The following CMTM8 variants were observed in gnomAD, a reference collection of about 807,000 sequenced individuals.
The protein encoded by CMTM8 is CKLF-like MARVEL transmembrane domain-containing protein 8.
A neutral mutation model predicts 18.6 loss-of-function variants in CMTM8; 12 were observed. The observed-to-expected ratio is 0.65, with a 90% CI of 0.41 to 1.05. The LOEUF (loss-of-function observed/expected upper bound fraction) is 1.05, where lower values mean the gene tolerates loss of function less well. CMTM8 is among the 50% of genes least tolerant of loss of function. CMTM8 has a pLI of 0.00. For synonymous variants in CMTM8, 87 were observed against 90.6 expected (o/e 0.96, Z 0.23); for missense variants, 217 against 227.2 (o/e 0.95, Z 0.29).
chr3:32,355,672 A>T (rs1416422160), intron 1 of CMTM8, among the ~76,000 whole-genome samples: 1 of 151,190 alleles, frequency 6.6e-6, no homozygotes, highest in Non-Finnish European at 1.5e-5. Flanking sequence ...CTTGCTTAAA[A>T]CTCTCCCACT....
chr3:32,244,249 G>A (rs1448337452), intron 1 of CMTM8, among the ~76,000 whole-genome samples: 1 of 152,178 alleles, frequency 6.6e-6, no homozygotes, highest in African/African-American at 2.4e-5. Context: ...GAGTGCAGTG[G>A]CACAATCATA....
chr3:32,300,024 A>G (rs1288953152), intron 1 of CMTM8, among the ~76,000 whole-genome samples: 1 of 152,208 alleles, frequency 6.6e-6, no homozygotes, highest in Non-Finnish European at 1.5e-5. Flanking sequence ...CCTCTATAAC[A>G]AAAAGGTTAA....
At chr3:32,270,807 C>T (rs552874176) in intron 1 of CMTM8, among the ~76,000 whole-genome samples, 1 of 152,194 alleles carries the variant, frequency 6.6e-6, no homozygotes, top group African/African-American at 2.4e-5. Flanking sequence ...CAACATGGCA[C>T]ATGTATACAT....
chr3:32,317,226 G>A (rs1695950199), intron 1 of CMTM8, among the ~76,000 whole-genome samples: 1 of 152,006 alleles, frequency 6.6e-6, no homozygotes, highest in Non-Finnish European at 1.5e-5. Context: ...TACATGGAAA[G>A]GGCTCAGAGC....
intron 1 of CMTM8, among the ~76,000 whole-genome samples, chr3:32,311,266 T>G (rs1015958140): frequency 6.6e-6 from 1 of 152,242 alleles, no homozygotes; most frequent in African/African-American, 2.4e-5. Context: ...TATATGCAAT[T>G]CAAATTTCAG....
rs149172567 is a variant in CMTM8 at position 32,352,103 on chromosome 3, G to A, written c.148-5270G>A. ...TGCAGCATGAGAATCGCTTGAACCC[G>A]GGAGGCGGAGGTTGCAGTGAGCCAA... On this transcript the variant is annotated intron_variant, in intron 1 of 3. Transcript: ENST00000307526. Among the ~76,000 whole-genome samples, 866 of 149,002 alleles carry A rather than the reference G, an allele frequency of 5.8e-3. 6 individuals carry two copies. The highest frequency in any genetic ancestry group is 0.02 in the African/African-American group (818 of 40,444).
At chr3:32,243,919 G>T in intron 1 of CMTM8, 1 of 163,570 alleles carries the variant, frequency 6.1e-6, no homozygotes, top group South Asian at 1.9e-4. Flanking sequence ...TTTTCCTTTG[G>T]TATATTTTAA....
At chr3:32,279,897 A>C (rs930103840) in intron 1 of CMTM8, among the ~76,000 whole-genome samples, 1 of 148,366 alleles carries the variant, frequency 6.7e-6, no homozygotes, top group South Asian at 2.2e-4. Flanking sequence ...GATATCTCAT[A>C]GTGGTTTTGA....
intron 1 of CMTM8, among the ~76,000 whole-genome samples, chr3:32,266,161 T>A (rs1050162166): frequency 1.7e-4 from 26 of 152,168 alleles, no homozygotes; most frequent in Non-Finnish European, 3.5e-4. Context: ...AAAAAGAGAA[T>A]TTTAGACCAA....
chr3:32,340,076 C>T (rs1696464016), intron 1 of CMTM8, among the ~76,000 whole-genome samples: 1 of 152,206 alleles, frequency 6.6e-6, no homozygotes, highest in Non-Finnish European at 1.5e-5. Flanking sequence ...CTTATCTCAG[C>T]CAGCTGATTG....
rs1553605520 is a variant in CMTM8 at position 32,319,057 on chromosome 3, C to CATATATATATAT, written c.148-38309_148-38298dup. Among the ~76,000 whole-genome samples, 181 of 45,782 alleles carry CATATATATATAT rather than the reference C, an allele frequency of 4.0e-3. 4 individuals carry two copies. Among genetic ancestry groups the CATATATATATAT allele is most frequent in the East Asian group, 9.7e-3 (10 of 1,028 alleles). The allele number at this position is 45,782 out of a possible 152,430, so 30.0% of individuals were successfully genotyped here. A position where few individuals can be genotyped will look rare whatever the true frequency, so the allele number is the denominator to read the frequency against. On this transcript the variant is annotated intron_variant, in intron 1 of 3. Coordinates refer to ENST00000307526, the MANE Select transcript of CMTM8 (RefSeq NM_178868.5). ...AAATTTATATATATGTGTGTATATA[C>CATATATATATAT]ATATATATATATATATATTTTTTTT...
intron 1 of CMTM8, among the ~76,000 whole-genome samples, chr3:32,286,655 C>T (rs1288032289): frequency 1.3e-5 from 2 of 152,150 alleles, no homozygotes; most frequent in Admixed American, 1.3e-4. Flanking sequence ...AGGCAGCTTG[C>T]TGTAGAGCAG....
intron 1 of CMTM8, chr3:32,259,913 G>C (rs770454455): frequency 8.4e-6 from 9 of 1,073,368 alleles, no homozygotes; most frequent in Non-Finnish European, 1.3e-5. Context: ...CAGCCTGAGG[G>C]AGGTGGAGGC....
chr3:32,288,605 A>G (rs548821044), intron 1 of CMTM8, among the ~76,000 whole-genome samples: 269 of 151,600 alleles, frequency 1.8e-3, no homozygotes, highest in Non-Finnish European at 3.3e-3. Flanking sequence ...GGTTCAAACA[A>G]CTCCCCTGCC....
chr3:32,270,004 A>G lies in CMTM8; in HGVS notation c.147+30885A>G, dbSNP rs1180672754. Among the ~76,000 whole-genome samples, 3 of 150,378 alleles carry G rather than the reference A, an allele frequency of 2.0e-5. No homozygotes were observed. The East Asian group carries it at 5.9e-4, about 30-fold the overall frequency. Reference sequence around the variant, plus strand: ...ACCCAGGCTGGTCTCAAACTCCTATACTCAAGTAATCCTCCTGCCTCAGCC... The same window carrying G: ...ACCCAGGCTGGTCTCAAACTCCTATGCTCAAGTAATCCTCCTGCCTCAGCC... On this transcript the variant is annotated intron_variant, in intron 1 of 3. Transcript: ENST00000307526.
At chr3:32,311,170 C>A (rs982978952) in intron 1 of CMTM8, among the ~76,000 whole-genome samples, 5 of 152,176 alleles carry the variant, frequency 3.3e-5, no homozygotes, top group African/African-American at 1.2e-4. Context: ...TTTTGTGTGA[C>A]CCGCAAGCTA....
intron 1 of CMTM8, among the ~76,000 whole-genome samples, chr3:32,288,286 ATTTC>A (rs1702718746): frequency 6.6e-6 from 1 of 152,026 alleles, no homozygotes; most frequent in Non-Finnish European, 1.5e-5. Flanking sequence ...TACAGCTATC[ATTTC>A]TTTATTTTTT....
At chr3:32,308,458 A>G (rs1261519491) in intron 1 of CMTM8, among the ~76,000 whole-genome samples, 1 of 152,208 alleles carries the variant, frequency 6.6e-6, no homozygotes, top group Non-Finnish European at 1.5e-5. Flanking sequence ...TCCAGCCCGC[A>G]GTTTCTTCTC....
chr3:32,300,898 TGTG>T (rs1474206633), intron 1 of CMTM8, among the ~76,000 whole-genome samples: 1 of 151,640 alleles, frequency 6.6e-6, no homozygotes, highest in African/African-American at 2.4e-5. Context: ...AGGCGGAGGT[TGTG>T]GTGAGCCGAG....
Sources: allele counts gnomAD v4.1 joint callset (sites outside exome capture counted in the v4.1 genomes callset), GRCh38; gene constraint gnomAD v4.1.1; transcripts MANE v1.5; gene names NCBI Gene and HGNC (gene_info 2026-07-23, HGNC 2026-07-21).